The following MTMR8 variants were observed in gnomAD, a reference collection of about 807,000 sequenced individuals.
MTMR8 encodes myotubularin related protein 8.
MTMR8 carries 65 observed loss-of-function variants against 39.3 expected under a neutral mutation model. That is an observed-to-expected ratio of 1.65 (90% confidence interval 1.35 to 2.03). The LOEUF (loss-of-function observed/expected upper bound fraction) is 2.03. Among genes scored for constraint, MTMR8 ranks in the 30% most tolerant of loss-of-function variants. The probability of loss-of-function intolerance (pLI) is 0.00; values close to 1 mark genes in which losing one functional copy is unlikely to be tolerated. For missense variants in MTMR8, 777 were observed against 538.9 expected (o/e 1.44, Z -4.37); for synonymous variants, 245 against 185.2 (o/e 1.32, Z -2.62).
intron 12 of MTMR8, among the ~76,000 whole-genome samples, chrX:64,300,947 C>T (rs1921843813): frequency 9.1e-6 from 1 of 109,754 alleles, no homozygotes; most frequent in African/African-American, 3.3e-5. Flanking sequence ...GAGAGATCCG[C>T]TGTTAGTCTG....
chrX:64,291,719 G>A (rs1280342847), intron 12 of MTMR8, among the ~76,000 whole-genome samples: 1 of 111,853 alleles, frequency 8.9e-6, no homozygotes, highest in Non-Finnish European at 1.9e-5. Context: ...ACGACCTTAA[G>A]TGCTTGGGAC....
intron 12 of MTMR8, among the ~76,000 whole-genome samples, chrX:64,301,848 G>A: frequency 8.9e-6 from 1 of 111,978 alleles, no homozygotes; most frequent in East Asian, 2.8e-4. Context: ...GTGTGCCCCT[G>A]CTGGGTGGTG....
In MTMR8 at chrX:64,331,870, ACAC is replaced by A. The variant is rs1308430128; in HGVS notation, c.1152-116_1152-114del. The A allele has an allele frequency of 4.9e-6, 3 of 612,822 alleles. No individual in the cohort carries two copies. In the African/African-American group the frequency reaches 6.8e-5, roughly 14 times the overall value. The allele number at this position is 612,822 out of a possible 1,213,427, so 50.5% of individuals were successfully genotyped here. ...TGTCTCTGTTGGTAGTGGCAAGGAA[ACAC>A]CTCATACCAAAATGCCAGCCAGAAT... is the stretch of plus-strand genomic sequence containing the variant. On this transcript the variant is annotated intron_variant, in intron 10 of 13. Coordinates refer to ENST00000374852, the MANE Select transcript of MTMR8 (RefSeq NM_017677.4).
chrX:64,326,881 C>A (rs1922809668), intron 12 of MTMR8, among the ~76,000 whole-genome samples: 1 of 108,601 alleles, frequency 9.2e-6, no homozygotes, highest in African/African-American at 3.3e-5. Context: ...AATAGAGAGC[C>A]CAGAAAAAAA....
intron 12 of MTMR8, among the ~76,000 whole-genome samples, chrX:64,285,139 A>C (rs1921111996): frequency 9.0e-6 from 1 of 111,687 alleles, no homozygotes; most frequent in Admixed American, 9.5e-5. Context: ...TCTACCAAGC[A>C]AATGGAAAAC....
chrX:64,367,783 T>G (rs1244978576), intron 1 of MTMR8, among the ~76,000 whole-genome samples: 2 of 111,252 alleles, frequency 1.8e-5, no homozygotes, highest in African/African-American at 6.5e-5. Context: ...GAGAAAGAAA[T>G]AAAGGGTATT....
chrX:64,387,545 C>T lies in MTMR8; in HGVS notation c.24+7795G>A, dbSNP rs1425777279. Among the ~76,000 whole-genome samples the T allele has an allele frequency of 3.6e-5, 4 of 110,341 alleles. No homozygotes were observed. The Admixed American group carries it at 3.9e-4, about 11-fold the overall frequency. On this transcript the variant is annotated intron_variant, in intron 1 of 13. Coordinates refer to ENST00000374852, the MANE Select transcript of MTMR8 (RefSeq NM_017677.4). ...GGACCTTCTAGGAGACTTGCAGTTA[C>T]TCAGACCCTCCCCTCTTTCTACTCA... is the stretch of plus-strand genomic sequence containing the variant.
At chrX:64,273,128 T>A (rs981588139) in intron 12 of MTMR8, among the ~76,000 whole-genome samples, 1 of 111,310 alleles carries the variant, frequency 9.0e-6, no homozygotes, top group Non-Finnish European at 1.9e-5. Context: ...GTATAAAAGT[T>A]GTTGGTGAAG....
At chrX:64,354,967 T>C (rs1923586441) in intron 3 of MTMR8, 33 bp from the exon 4 acceptor site, 1 of 1,105,142 alleles carries the variant, frequency 9.0e-7, no homozygotes, top group Non-Finnish European at 1.2e-6. Flanking sequence ...GAAAACAAAA[T>C]GATGAATGAA....
chrX:64,309,761 A>T (rs2147208950), intron 12 of MTMR8, among the ~76,000 whole-genome samples: 1 of 112,442 alleles, frequency 8.9e-6, no homozygotes, highest in African/African-American at 3.2e-5. Flanking sequence ...CAGTCACACA[A>T]TTTTTTGGCA....
At chrX:64,339,805 C>T (rs912402466) in intron 8 of MTMR8, among the ~76,000 whole-genome samples, 4 of 109,193 alleles carry the variant, frequency 3.7e-5, no homozygotes, top group African/African-American at 1.3e-4. Flanking sequence ...GCAAAGAAGT[C>T]GGTAAGGATA....
chrX:64,276,669 T>C (rs779928283), intron 12 of MTMR8, among the ~76,000 whole-genome samples: 39 of 111,746 alleles, frequency 3.5e-4, no homozygotes, highest in Admixed American at 3.2e-3. Flanking sequence ...TTCCATTCTT[T>C]TGTATTTGCT....
intron 12 of MTMR8, among the ~76,000 whole-genome samples, chrX:64,310,237 C>A (rs1243288583): frequency 8.9e-6 from 1 of 111,838 alleles, no homozygotes; most frequent in Non-Finnish European, 1.9e-5. Context: ...GAGTAAATTC[C>A]ATCAAATAAA....
At chrX:64,366,979 C>A (rs765294658) in intron 1 of MTMR8, among the ~76,000 whole-genome samples, 1 of 111,760 alleles carries the variant, frequency 8.9e-6, no homozygotes, top group Middle Eastern at 4.2e-3. Context: ...ACTATAAACA[C>A]CTCTACACAA....
At chrX:64,333,770 C>T (rs1198205899) in intron 10 of MTMR8, among the ~76,000 whole-genome samples, 1 of 111,883 alleles carries the variant, frequency 8.9e-6, no homozygotes, top group African/African-American at 3.2e-5. Context: ...GCTTTCACCA[C>T]TTTGCTCAAC....
chrX:64,302,859 C>G (rs762374298), intron 12 of MTMR8, among the ~76,000 whole-genome samples: 2 of 112,258 alleles, frequency 1.8e-5, no homozygotes, highest in African/African-American at 6.5e-5. Context: ...AGACTCCCTG[C>G]TGTGCTGCCT....
intron 8 of MTMR8, among the ~76,000 whole-genome samples, chrX:64,341,365 G>T (rs968205188): frequency 1.8e-4 from 19 of 108,408 alleles, no homozygotes; most frequent in African/African-American, 6.4e-4. Flanking sequence ...TATAATCTCA[G>T]CTACTCAGGA....
At chrX:64,321,801 T>C (rs757620196) in intron 12 of MTMR8, among the ~76,000 whole-genome samples, 2 of 112,186 alleles carry the variant, frequency 1.8e-5, no homozygotes, top group African/African-American at 3.2e-5. Context: ...GGGTTTGTCA[T>C]ATGTGGTCTT....
At chrX:64,302,001 G>C (rs1344531438) in intron 12 of MTMR8, among the ~76,000 whole-genome samples, 1 of 112,434 alleles carries the variant, frequency 8.9e-6, no homozygotes, top group African/African-American at 3.2e-5. Flanking sequence ...AGTCTGCAGA[G>C]GTTACTGCTG....
Sources: allele counts gnomAD v4.1 joint callset (sites outside exome capture counted in the v4.1 genomes callset), GRCh38; gene constraint gnomAD v4.1.1; transcripts MANE v1.5; gene names NCBI Gene and HGNC (gene_info 2026-07-23, HGNC 2026-07-21).